Variants in ANK3 observed in about 807,000 individuals in gnomAD.
ANK3 encodes the protein ankyrin 3.
A neutral mutation model predicts 370.9 loss-of-function variants in ANK3; 57 were observed. The observed-to-expected ratio is 0.15, with a 90% confidence interval of 0.12 to 0.19. The LOEUF is 0.19. Ranked by LOEUF, ANK3 falls within the 10% of genes least tolerant of loss-of-function variation. The pLI is 1.00. For missense variants in ANK3, 4,439 were observed against 5,302.1 expected, an observed-to-expected ratio of 0.84 and a Z score of 5.06; for synonymous variants, 1,929 against 1,946.3, an observed-to-expected ratio of 0.99 and a Z score of 0.23.
At chr10:60,228,394 C>T (rs1396602127) in intron 8 of ANK3, among the ~76,000 whole-genome samples, 1 of 151,802 alleles carries the variant, frequency 6.6e-6, no homozygotes, top group Non-Finnish European at 1.5e-5. Context: ...ATTAGCTAGG[C>T]GAGGTGGCGT....
At chr10:60,510,944 T>C (rs1168703637) in intron 2 of ANK3, among the ~76,000 whole-genome samples, 1 of 152,174 alleles carries the variant, frequency 6.6e-6, no homozygotes, top group East Asian at 1.9e-4. Flanking sequence ...TTGGGCTGCC[T>C]GCTTCCATTT....
intron 1 of ANK3, among the ~76,000 whole-genome samples, chr10:60,721,902 A>C (rs1226578740): frequency 6.6e-6 from 1 of 152,160 alleles, no homozygotes; most frequent in East Asian, 1.9e-4. Context: ...AATTGGCTGA[A>C]ATCTTACCAG....
chr10:60,164,000 G>A (rs891476841), intron 23 of ANK3, among the ~76,000 whole-genome samples: 3 of 152,108 alleles, frequency 2.0e-5, no homozygotes, highest in African/African-American at 7.2e-5. Context: ...TTACTCAAAT[G>A]GCCAACACTA....
intron 2 of ANK3, among the ~76,000 whole-genome samples, chr10:60,395,926 A>G (rs930025086): frequency 6.6e-6 from 1 of 152,140 alleles, no homozygotes; most frequent in Non-Finnish European, 1.5e-5. Context: ...ACTCAGCACA[A>G]TGCTTTCTAG....
intron 17 of ANK3, among the ~76,000 whole-genome samples, chr10:60,184,968 A>C (rs1465944367): frequency 6.6e-6 from 1 of 152,210 alleles, no homozygotes; most frequent in African/African-American, 2.4e-5. Flanking sequence ...TCTTTGTCAT[A>C]AAGACAAATT....
At chr10:60,188,910 T>C (rs1198908878) in intron 16 of ANK3, among the ~76,000 whole-genome samples, 4 of 152,058 alleles carry the variant, frequency 2.6e-5, no homozygotes, top group African/African-American at 9.7e-5. Context: ...AATGCTACAA[T>C]AAGTGACCAG....
intron 2 of ANK3, among the ~76,000 whole-genome samples, chr10:60,525,567 G>T (rs139796274): frequency 3.4e-4 from 51 of 152,226 alleles, no homozygotes; most frequent in African/African-American, 1.2e-3. Flanking sequence ...TGGTTACCAA[G>T]GAAATAAGAG....
At chr10:60,589,801 C>T (rs1045605257) in intron 2 of ANK3, among the ~76,000 whole-genome samples, 1 of 152,222 alleles carries the variant, frequency 6.6e-6, no homozygotes, top group Non-Finnish European at 1.5e-5. Flanking sequence ...TTTATCACCA[C>T]CATTTTTTAA....
At position 60,331,855 on chromosome 10, in the gene ANK3, C is replaced by T. The variant is rs146790393; in HGVS notation, c.115-52216G>A. On this transcript the variant is annotated intron_variant, in intron 1 of 43. Coordinates refer to ENST00000280772, the MANE Select transcript of ANK3 (RefSeq NM_020987.5). Reference sequence around the variant, plus strand: ...TTAGAACTGAAGACCTGACTTCATTCAGAAATGAATATTAAATATTAAATT... The same window carrying T: ...TTAGAACTGAAGACCTGACTTCATTTAGAAATGAATATTAAATATTAAATT... Among the ~76,000 whole-genome samples, 301 of 152,232 alleles carry T rather than the reference C, an allele frequency of 2.0e-3. 2 individuals are homozygous for T. Among genetic ancestry groups the T allele is most frequent in the Middle Eastern group, 0.017 (5 of 294 alleles).
chr10:60,070,241 T>C lies in ANK3; in HGVS notation c.10640A>G (p.Asn3547Ser), dbSNP rs748093962. ...AAAAACTTCATCATCCCCTCGGTTA[T>C]TAGACCAAGGGTCAAAATCTAGACC... ...TKGLDFDPWSNNRGDDEVFDS... is the reference protein window; with the variant it reads ...TKGLDFDPWSSNRGDDEVFDS... The change falls in exon 37 of 44, where the codon AAT (asparagine) becomes AGT (serine). Residue 3547 changes from asparagine to serine, a missense_variant. Coordinates refer to ENST00000280772, the MANE Select transcript of ANK3 (RefSeq NM_020987.5). This position sits in a 1 kb window ranked among gnomAD's most constrained non-coding sequence, Gnocchi z 5.7. 1.9e-6 allele frequency: 3 copies of C among 1,614,130 alleles called. No homozygotes were observed. The South Asian group carries it at 3.3e-5, about 18-fold the overall frequency.
chr10:60,663,231 C>T (rs1427219711), intron 1 of ANK3, among the ~76,000 whole-genome samples: 1 of 152,200 alleles, frequency 6.6e-6, no homozygotes, highest in Non-Finnish European at 1.5e-5. Context: ...CAAGAAACTA[C>T]TACAAGCATT....
chr10:60,588,510 T>G (rs2077865906), intron 2 of ANK3, among the ~76,000 whole-genome samples: 1 of 151,976 alleles, frequency 6.6e-6, no homozygotes, highest in Non-Finnish European at 1.5e-5. Context: ...ATTATTATAA[T>G]TATACAAGAA....
At position 60,389,811 on chromosome 10, in the gene ANK3, G is replaced by A. The variant is rs2062942585; in HGVS notation, c.-273C>T. ...GTAATGCATTTACCGTAGTGAAGAA[G>A]ACAGCTGGGACAGAGGAAGCTGTAT... On this transcript the variant is annotated 5_prime_UTR_variant, in exon 1 of 44. Transcript: ENST00000280772. The A allele has an allele frequency of 4.9e-6, 6 of 1,215,542 alleles. No homozygotes were observed. In the South Asian group the frequency reaches 1.2e-4, roughly 23 times the overall value. The allele number at this position is 1,215,542 out of a possible 1,614,324, so 75.3% of individuals were successfully genotyped here. A position where few individuals can be genotyped will look rare whatever the true frequency, so the allele number is the denominator to read the frequency against.
intron 17 of ANK3, among the ~76,000 whole-genome samples, chr10:60,183,485 T>C (rs1194654344): frequency 6.6e-6 from 1 of 152,208 alleles, no homozygotes; most frequent in East Asian, 1.9e-4. Flanking sequence ...AAAAACAATA[T>C]GAAGGTAACC....
intron 33 of ANK3, 104 bp from the exon 34 acceptor site, chr10:60,082,841 C>T: frequency 1.5e-6 from 2 of 1,316,404 alleles, no homozygotes; most frequent in Admixed American, 2.4e-5. Flanking sequence ...CTATGAGAGG[C>T]AGGAAAGGTA....
upstream of ANK3, among the ~76,000 whole-genome samples, chr10:60,393,375 G>A (rs988448766): frequency 2.0e-5 from 3 of 152,126 alleles, no homozygotes; most frequent in South Asian, 2.1e-4. Flanking sequence ...AAAATTGTCC[G>A]AAATAATTTT....
At chr10:60,155,537 C>A (rs1357627764) in intron 23 of ANK3, among the ~76,000 whole-genome samples, 2 of 152,144 alleles carry the variant, frequency 1.3e-5, no homozygotes, top group African/African-American at 4.8e-5. Flanking sequence ...TCTGGTGCTA[C>A]CCTGGTCTTG....
intron 2 of ANK3, among the ~76,000 whole-genome samples, chr10:60,587,098 G>A (rs912028926): frequency 1.3e-5 from 2 of 152,180 alleles, no homozygotes; most frequent in Admixed American, 6.5e-5. Flanking sequence ...GGGAAAGGAA[G>A]GACTTTCTTC....
chr10:60,732,444 G>A (rs1470930525), intron 1 of ANK3, among the ~76,000 whole-genome samples: 1 of 152,208 alleles, frequency 6.6e-6, no homozygotes, highest in Non-Finnish European at 1.5e-5. Context: ...GTGTGGGGTG[G>A]GAAGAAGGAG....
Sources: gnomAD v4.1 joint callset for allele counts (sites outside exome capture counted in the v4.1 genomes callset) on GRCh38, gnomAD v4.1.1 for gene constraint, Gnocchi (gnomAD v3.1) non-coding constraint, MANE v1.5 for transcripts, NCBI Gene and HGNC (gene_info 2026-07-23, HGNC 2026-07-21) for gene names.